AIMP1: variants seen among roughly 807,000 people sequenced by gnomAD.
AIMP1 encodes the protein aminoacyl tRNA synthetase complex interacting multifunctional protein 1, also known as aminoacyl tRNA synthase complex-interacting multifunctional protein 1.
AIMP1 carries 24 observed loss-of-function variants against 33.1 expected under a neutral mutation model. The observed-to-expected ratio is 0.73, with a 90% CI of 0.53 to 1.02. AIMP1 has a LOEUF of 1.02. Among genes scored for constraint, AIMP1 ranks in the 50% least tolerant of loss-of-function variants. The pLI, the probability that AIMP1 is intolerant of heterozygous loss-of-function variation, is 0.00. For missense variants in AIMP1, 367 were observed against 364.8 expected, an observed-to-expected ratio of 1.01 and a Z score of -0.05; for synonymous variants, 120 against 121.5, an observed-to-expected ratio of 0.99 and a Z score of 0.08.
At chr4:106,343,751 A>AC in intron 6 of AIMP1, among the ~76,000 whole-genome samples, 1 of 152,368 alleles carries the variant, frequency 6.6e-6, no homozygotes, top group East Asian at 1.9e-4. Flanking sequence ...CAGCTAGGAA[A>AC]CAAAGACAAT....
rs566136071 is a variant in AIMP1 at position 106,339,143 on chromosome 4, G to A, written c.772+2106G>A. Among the ~76,000 whole-genome samples the A allele has an allele frequency of 3.9e-5, 6 of 152,298 alleles. No homozygotes were observed. The South Asian group carries it at 1.2e-3, about 32-fold the overall frequency. ...CTCATAGGCAGAAGGGACTTGTCTT[G>A]TCTCAGATGAGATGCTGGACTGTGG... On this transcript the variant is annotated intron_variant, in intron 6 of 6. Coordinates refer to ENST00000672341, the MANE Select transcript of AIMP1 (RefSeq NM_001142416.2).
At chr4:106,320,435 T>G (rs1277538802) in intron 1 of AIMP1, among the ~76,000 whole-genome samples, 1 of 152,180 alleles carries the variant, frequency 6.6e-6, no homozygotes, top group Non-Finnish European at 1.5e-5. Flanking sequence ...GTTGGGGTCA[T>G]GAACTTATTT....
rs1201482362 is a variant in AIMP1 at position 106,325,087 on chromosome 4, G to A, written c.78G>A (p.Lys26=). The A allele has an allele frequency of 4.3e-6, 7 of 1,612,812 alleles. No individual in the cohort carries two copies. The highest frequency in any genetic ancestry group is 3.3e-4 in the Middle Eastern group (2 of 6,052). The change falls in exon 2 of 7, where the codon AAG becomes AAA. Residue 26 remains lysine (K), a synonymous_variant. Transcript: ENST00000672341. ...CAGATCAAATCATTGAATATCTTAA[G>A]CAGCAAGTTTCTCTACTTAAGGAGA... ...AEADQIIEYL[K]QQVSLLKEKA...
chr4:106,326,515 T>C (rs1769457816), intron 2 of AIMP1, among the ~76,000 whole-genome samples: 1 of 152,200 alleles, frequency 6.6e-6, no homozygotes. Flanking sequence ...CTTATACTTT[T>C]GTTACCCCAT....
intron 5 of AIMP1, among the ~76,000 whole-genome samples, chr4:106,336,030 CTTTTTTTTTTTT>C (rs34219049): frequency 3.4e-5 from 2 of 59,390 alleles, no homozygotes; most frequent in South Asian, 7.4e-4. Flanking sequence ...GTTAAATGAT[CTTTTTTTTTTTT>C]TTTTTTTTTT....
intron 4 of AIMP1, among the ~76,000 whole-genome samples, chr4:106,329,772 C>CTTTTTTTTTT (rs59016309): frequency 3.8e-5 from 2 of 53,062 alleles, no homozygotes; most frequent in East Asian, 5.4e-4. Context: ...TGCTACATAT[C>CTTTTTTTTTT]TTTTTTTTTT....
chr4:106,332,979 T>C (rs1769739310), intron 5 of AIMP1, among the ~76,000 whole-genome samples: 1 of 152,234 alleles, frequency 6.6e-6, no homozygotes, highest in African/African-American at 2.4e-5. Flanking sequence ...TCCTGATGTC[T>C]TGTTTCTTAA....
At chr4:106,330,431 GA>G (rs1160161082) in intron 4 of AIMP1, among the ~76,000 whole-genome samples, 3 of 151,926 alleles carry the variant, frequency 2.0e-5, no homozygotes, top group Admixed American at 1.3e-4. Flanking sequence ...TTTGTTTATG[GA>G]AAATGGAATT....
chr4:106,332,880 G>A (rs1035957223), intron 5 of AIMP1, among the ~76,000 whole-genome samples: 1 of 151,882 alleles, frequency 6.6e-6, no homozygotes, highest in Non-Finnish European at 1.5e-5. Flanking sequence ...CAAACTGCTG[G>A]GCCAAGGAAA....
rs572196292 is a variant in AIMP1, at chr4:106,347,644, G to C, written c.891G>C (p.Gly297=). The C allele has an allele frequency of 1.9e-6, 3 of 1,613,348 alleles. No individual in the cohort carries two copies. The African/African-American group carries it at 4.0e-5, about 22-fold the overall frequency. Residue 297 remains glycine, a synonymous_variant, in exon 7 of 7, where the codon GGG becomes GGC. Coordinates refer to ENST00000672341, the MANE Select transcript of AIMP1 (RefSeq NM_001142416.2). ...TYKGVPFEVK[G]KGVCRAQTMS... ...AAGGAGTTCCCTTTGAGGTGAAAGG[G>C]AAGGGAGTATGTAGGGCTCAAACCA... is the stretch of plus-strand genomic sequence containing the variant.
chr4:106,323,717 C>A (rs1456127291), intron 1 of AIMP1, among the ~76,000 whole-genome samples: 1 of 151,372 alleles, frequency 6.6e-6, no homozygotes, highest in Non-Finnish European at 1.5e-5. Flanking sequence ...ATGAAATATA[C>A]TCAATAGGTA....
intron 6 of AIMP1, among the ~76,000 whole-genome samples, chr4:106,343,981 A>T (rs1561033487): frequency 6.6e-6 from 1 of 152,160 alleles, no homozygotes; most frequent in Non-Finnish European, 1.5e-5. Flanking sequence ...AACCCATTTT[A>T]ATCAGGTTTC....
upstream of AIMP1, chr4:106,316,034 T>G (rs1768809674): frequency 6.5e-6 from 1 of 152,916 alleles, no homozygotes; most frequent in African/African-American, 2.4e-5. Flanking sequence ...TACGGCTTAG[T>G]GCACCAGACG....
chr4:106,342,885 C>T (rs939705708), intron 6 of AIMP1, among the ~76,000 whole-genome samples: 9 of 149,308 alleles, frequency 6.0e-5, no homozygotes, highest in Admixed American at 2.7e-4. Flanking sequence ...AATTCAGCTG[C>T]GAATCTATCC....
At chr4:106,334,039 A>G (rs1247129742) in intron 5 of AIMP1, among the ~76,000 whole-genome samples, 2 of 152,144 alleles carry the variant, frequency 1.3e-5, no homozygotes, top group African/African-American at 4.8e-5. Context: ...TGAATCATCT[A>G]CCTATTTCCT....
At chr4:106,346,025 A>G (rs2125930143) in intron 6 of AIMP1, among the ~76,000 whole-genome samples, 1 of 151,800 alleles carries the variant, frequency 6.6e-6, no homozygotes, top group South Asian at 2.1e-4. Flanking sequence ...ACTTAATTAT[A>G]CTTCAGCAAT....
intron 4 of AIMP1, among the ~76,000 whole-genome samples, chr4:106,331,088 G>A (rs3133168): frequency 0.4 from 60,388 of 151,960 alleles, 12,250 homozygotes; most frequent in South Asian, 0.47. Context: ...AATTAATTAT[G>A]TACTTACTAG....
Position 106,325,233 on chromosome 4 carries a change from A to T in AIMP1, c.109+115A>T, listed in dbSNP as rs1484349763. ...TAAGTTTTACTTAGAAGTTTCTGTT[A>T]TATGTAGAAAAATATCAAACCTGAA... On this transcript the variant is annotated intron_variant, in intron 2 of 6. Coordinates refer to ENST00000672341, the MANE Select transcript of AIMP1 (RefSeq NM_001142416.2). The T allele has an allele frequency of 1.0e-5, 10 of 1,003,964 alleles. No individual in the cohort carries two copies. The East Asian group carries it at 2.4e-4, about 24-fold the overall frequency. 62.2% of individuals were successfully genotyped at this position (1,003,964 alleles called of 1,614,324 possible). A position where few individuals can be genotyped will look rare whatever the true frequency, so the allele number is the denominator to read the frequency against.
At chr4:106,331,529 T>C in intron 4 of AIMP1, 143 bp from the exon 5 acceptor site, 1 of 688,652 alleles carries the variant, frequency 1.5e-6, no homozygotes, top group East Asian at 2.7e-5. Context: ...TTTTTCTTTG[T>C]TATTATTTAA....
Sources: allele counts gnomAD v4.1 joint callset (sites outside exome capture counted in the v4.1 genomes callset), GRCh38; gene constraint gnomAD v4.1.1; transcripts MANE v1.5; gene names NCBI Gene and HGNC (gene_info 2026-07-23, HGNC 2026-07-21).